MAP7: variants seen among roughly 807,000 people sequenced by gnomAD.
MAP7 encodes the protein microtubule associated protein 7.
In MAP7, 52 loss-of-function variants were observed where a neutral mutation model predicts 94.8. The ratio of observed to expected loss-of-function variants is 0.55; its 90% CI spans 0.44 to 0.69. The LOEUF (loss-of-function observed/expected upper bound fraction) is 0.69, where lower values mean the gene tolerates loss of function less well. MAP7 is among the 30% of genes least tolerant of loss of function. The pLI is 0.00. For missense variants in MAP7, 940 were observed against 964.6 expected (o/e 0.97, Z 0.34); for synonymous variants, 350 against 357.0 (o/e 0.98, Z 0.22).
intron 8 of MAP7, among the ~76,000 whole-genome samples, chr6:136,370,421 A>G (rs1330747307): frequency 6.6e-6 from 1 of 152,240 alleles, no homozygotes; most frequent in Non-Finnish European, 1.5e-5. Flanking sequence ...ATATCAAGTG[A>G]AATTGAAAGA....
At chr6:136,348,214 C>T (rs146996952) in intron 16 of MAP7, among the ~76,000 whole-genome samples, 2 of 152,140 alleles carry the variant, frequency 1.3e-5, no homozygotes, top group African/African-American at 4.8e-5. Flanking sequence ...CTCCAGAGCC[C>T]CCTTTCCTTG....
chr6:136,465,950 A>T (rs931893537), intron 1 of MAP7, among the ~76,000 whole-genome samples: 2 of 152,192 alleles, frequency 1.3e-5, no homozygotes, highest in Non-Finnish European at 2.9e-5. Flanking sequence ...TTTAGTGAAT[A>T]AGGCAGCTTT....
At chr6:136,449,756 A>G (rs1582946666) in intron 1 of MAP7, among the ~76,000 whole-genome samples, 1 of 152,276 alleles carries the variant, frequency 6.6e-6, no homozygotes, top group African/African-American at 2.4e-5. Flanking sequence ...GGCTCTGCCC[A>G]TAGGGACGAA....
rs1828812459 is a variant in MAP7, at chr6:136,535,592, C to T, written c.67+14750G>A. Among the ~76,000 whole-genome samples the T allele has an allele frequency of 2.0e-5, 3 of 152,196 alleles. No homozygotes were observed. The South Asian group carries it at 6.2e-4, about 32-fold the overall frequency. On this transcript the variant is annotated intron_variant, in intron 1 of 17. Coordinates refer to ENST00000354570, the MANE Select transcript of MAP7 (RefSeq NM_003980.6). ...GTAAGTTTGAGGCTTGGTCCATTTT[C>T]CTTCAGTGAAAGCCACACTGAGAAT...
At chr6:136,485,018 T>A (rs1198848016) in intron 1 of MAP7, among the ~76,000 whole-genome samples, 1 of 152,192 alleles carries the variant, frequency 6.6e-6, no homozygotes, top group Non-Finnish European at 1.5e-5. Flanking sequence ...TCTTAAGCTG[T>A]GAATCGTAAC....
At chr6:136,489,315 A>C (rs1173830355) in intron 1 of MAP7, among the ~76,000 whole-genome samples, 1 of 152,178 alleles carries the variant, frequency 6.6e-6, no homozygotes, top group Non-Finnish European at 1.5e-5. Flanking sequence ...CAGCTAGAAA[A>C]AAAAGTATGT....
intron 1 of MAP7, among the ~76,000 whole-genome samples, chr6:136,496,393 T>A (rs1393270004): frequency 6.6e-6 from 1 of 152,194 alleles, no homozygotes; most frequent in African/African-American, 2.4e-5. Context: ...GAAAACTACA[T>A]GGAGTTAACA....
intron 1 of MAP7, among the ~76,000 whole-genome samples, chr6:136,548,297 T>C (rs1829887105): frequency 6.6e-6 from 1 of 152,082 alleles, no homozygotes. Flanking sequence ...ATCTCACTTG[T>C]TCTCTCAAAA....
intron 1 of MAP7, among the ~76,000 whole-genome samples, chr6:136,434,654 A>C (rs980043132): frequency 3.3e-5 from 5 of 151,368 alleles, no homozygotes; most frequent in African/African-American, 1.2e-4. Context: ...ATATGTCCCC[A>C]AATAAGGGAT....
chr6:136,383,651 TG>T lies in MAP7; in HGVS notation c.637+19del. 2 of 1,352,380 alleles carry T rather than the reference TG, an allele frequency of 1.5e-6. No individual in the cohort carries two copies. The highest frequency in any genetic ancestry group is 2.7e-5 in the South Asian group (2 of 73,882). The allele number at this position is 1,352,380 out of a possible 1,614,324, so 83.8% of individuals were successfully genotyped here. ...ATTAAGTAAATAACAGACACTTTTTTGTTTTCCTTTGGACTGTACCTCTATC... is the reference window on the plus strand; with the variant it reads ...ATTAAGTAAATAACAGACACTTTTTTTTTTCCTTTGGACTGTACCTCTATC... On this transcript the variant is annotated intron_variant, in intron 6 of 17. Transcript: ENST00000354570.
chr6:136,358,827 G>A (rs1057444121), intron 15 of MAP7, among the ~76,000 whole-genome samples: 2 of 152,176 alleles, frequency 1.3e-5, no homozygotes, highest in Non-Finnish European at 2.9e-5. Flanking sequence ...TGAAGACCAC[G>A]AAGGATCACT....
At chr6:136,426,260 G>C (rs1793106317) in intron 1 of MAP7, among the ~76,000 whole-genome samples, 1 of 152,166 alleles carries the variant, frequency 6.6e-6, no homozygotes, top group African/African-American at 2.4e-5. Flanking sequence ...ACAATCAACA[G>C]AACCACCAGC....
chr6:136,448,143 GA>G (rs1194875488), intron 1 of MAP7, among the ~76,000 whole-genome samples: 3 of 152,032 alleles, frequency 2.0e-5, no homozygotes, highest in Non-Finnish European at 4.4e-5. Flanking sequence ...AGTGAGCCGA[GA>G]TCACGCCACT....
chr6:136,444,707 T>A (rs1463750850), intron 1 of MAP7, among the ~76,000 whole-genome samples: 1 of 152,196 alleles, frequency 6.6e-6, no homozygotes, highest in Non-Finnish European at 1.5e-5. Flanking sequence ...AAAAATACGG[T>A]CCTACCATAT....
At chr6:136,523,185 C>T (rs80139056) in intron 1 of MAP7, among the ~76,000 whole-genome samples, 17,581 of 152,220 alleles carry the variant, frequency 0.12, 1,203 homozygotes, top group East Asian at 0.15. Context: ...AAATTGTCTA[C>T]ACATCCAGGT....
chr6:136,510,279 G>A (rs189011553), intron 1 of MAP7, among the ~76,000 whole-genome samples: 85 of 152,252 alleles, frequency 5.6e-4, no homozygotes, highest in Middle Eastern at 3.4e-3. Flanking sequence ...ATGGTGAGAG[G>A]ATAAGAAAGT....
intron 3 of MAP7, among the ~76,000 whole-genome samples, chr6:136,398,936 C>T (rs1783288053): frequency 6.6e-6 from 1 of 152,170 alleles, no homozygotes; most frequent in Non-Finnish European, 1.5e-5. Flanking sequence ...TCCCTCTGAA[C>T]AGGCTTACTT....
At chr6:136,373,147 C>T (rs1310730675) in intron 7 of MAP7, among the ~76,000 whole-genome samples, 1 of 152,128 alleles carries the variant, frequency 6.6e-6, no homozygotes, top group African/African-American at 2.4e-5. Flanking sequence ...ATTCAACAGC[C>T]AGCAGGGGAA....
chr6:136,422,838 A>G (rs1272244561), intron 1 of MAP7, among the ~76,000 whole-genome samples: 2 of 152,206 alleles, frequency 1.3e-5, no homozygotes, highest in Admixed American at 1.3e-4. Flanking sequence ...CTCTGCTTTC[A>G]TATCAGTCTT....
Sources: allele counts gnomAD v4.1 joint callset (sites outside exome capture counted in the v4.1 genomes callset), GRCh38; gene constraint gnomAD v4.1.1; transcripts MANE v1.5; gene names NCBI Gene and HGNC (gene_info 2026-07-23, HGNC 2026-07-21).